CCDC141: variants seen among roughly 807,000 people sequenced by gnomAD.
CCDC141 encodes coiled-coil domain-containing protein 141.
In CCDC141, 168 loss-of-function variants were observed where a neutral mutation model predicts 181.0. The ratio of observed to expected loss-of-function variants is 0.93; its 90% confidence interval spans 0.82 to 1.05. The LOEUF (loss-of-function observed/expected upper bound fraction) is 1.05, where lower values mean the gene tolerates loss of function less well. CCDC141 is among the 50% of genes least tolerant of loss of function. CCDC141 has a pLI of 0.00. For missense variants in CCDC141, 1,902 were observed against 1,788.5 expected (o/e 1.06, Z -1.14); for synonymous variants, 666 against 642.3 (o/e 1.04, Z -0.56).
chr2:179,032,636 A>G (rs934166363), intron 2 of CCDC141, among the ~76,000 whole-genome samples: 1 of 152,082 alleles, frequency 6.6e-6, no homozygotes, highest in African/African-American at 2.4e-5. Context: ...CCTTTCCCCT[A>G]ATCTATCTGC....
At chr2:179,018,640 A>T (rs1012726085) in intron 2 of CCDC141, among the ~76,000 whole-genome samples, 1 of 152,106 alleles carries the variant, frequency 6.6e-6, no homozygotes, top group Non-Finnish European at 1.5e-5. Flanking sequence ...TTCTCTCCAT[A>T]GCAGCAAAAA....
chr2:178,855,781 T>C (rs938924243), intron 18 of CCDC141, among the ~76,000 whole-genome samples: 3 of 152,268 alleles, frequency 2.0e-5, no homozygotes, highest in Admixed American at 6.5e-5. Flanking sequence ...ACTAGTAATA[T>C]GATCTTTTTT....
At chr2:179,022,070 T>C (rs1430041940) in intron 2 of CCDC141, among the ~76,000 whole-genome samples, 2 of 152,190 alleles carry the variant, frequency 1.3e-5, no homozygotes, top group Non-Finnish European at 2.9e-5. Context: ...TTCTGTTAAA[T>C]GAAGTAAATA....
chr2:178,983,164 C>A (rs1366780545), intron 2 of CCDC141, among the ~76,000 whole-genome samples: 2 of 152,168 alleles, frequency 1.3e-5, no homozygotes, highest in Non-Finnish European at 2.9e-5. Context: ...ACCCCTGACC[C>A]CCGACCAGCC....
chr2:178,988,361 C>G (rs1460849362), intron 2 of CCDC141, among the ~76,000 whole-genome samples: 1 of 150,096 alleles, frequency 6.7e-6, no homozygotes, highest in Non-Finnish European at 1.5e-5. Flanking sequence ...GGAGATATAC[C>G]TAATGCTAGA....
chr2:178,827,960 G>A (rs1684149903), downstream of CCDC141, among the ~76,000 whole-genome samples: 1 of 152,102 alleles, frequency 6.6e-6, no homozygotes, highest in Non-Finnish European at 1.5e-5. Flanking sequence ...TCCAGCGATT[G>A]CAATCTCTGG....
chr2:178,843,126 C>T (rs747819605), intron 22 of CCDC141, among the ~76,000 whole-genome samples: 4 of 152,178 alleles, frequency 2.6e-5, no homozygotes, highest in Non-Finnish European at 5.9e-5. Flanking sequence ...TGGACATCTA[C>T]AGTATCATTA....
intron 7 of CCDC141, among the ~76,000 whole-genome samples, chr2:178,910,407 T>C (rs1268525931): frequency 6.6e-6 from 1 of 152,176 alleles, no homozygotes; most frequent in African/African-American, 2.4e-5. Context: ...GAGAGTTTTG[T>C]TGGAATGCTT....
At chr2:178,820,899 A>G in the CCDC141 span, among the ~76,000 whole-genome samples, 2 of 152,144 alleles carry the variant, frequency 1.3e-5, no homozygotes, top group African/African-American at 2.4e-5. Context: ...AAGGGTATCT[A>G]TCTATGAAGT....
intron 2 of CCDC141, chr2:179,002,307 G>A (rs563777420): frequency 7.6e-5 from 21 of 278,110 alleles, no homozygotes; most frequent in South Asian, 6.9e-4. Context: ...CTGTTATACA[G>A]CCAGAAGAAC....
intron 2 of CCDC141, among the ~76,000 whole-genome samples, chr2:178,979,381 G>A (rs75157077): frequency 0.011 from 1,678 of 152,032 alleles, 34 homozygotes; most frequent in African/African-American, 0.038. Context: ...ACATAAAAAG[G>A]AACTTAAAAC....
the CCDC141 span, among the ~76,000 whole-genome samples, chr2:178,821,957 C>G: frequency 2.0e-5 from 3 of 152,074 alleles, no homozygotes; most frequent in African/African-American, 7.2e-5. Context: ...CACATGCACA[C>G]GTATGTTTAT....
At chr2:178,856,876 C>T (rs1426881988) in intron 17 of CCDC141, among the ~76,000 whole-genome samples, 1 of 152,146 alleles carries the variant, frequency 6.6e-6, no homozygotes, top group East Asian at 1.9e-4. Flanking sequence ...TGAGCCACCG[C>T]GCCTGGCCTC....
At chr2:178,962,601 TTTC>T (rs1346268801) in intron 4 of CCDC141, among the ~76,000 whole-genome samples, 11 of 151,420 alleles carry the variant, frequency 7.3e-5, no homozygotes, top group South Asian at 2.1e-4. Flanking sequence ...TCTTTCTTTC[TTTC>T]TTTTCTTTCT....
chr2:179,025,795 G>C (rs1559056779), intron 2 of CCDC141, among the ~76,000 whole-genome samples: 1 of 152,186 alleles, frequency 6.6e-6, no homozygotes, highest in Non-Finnish European at 1.5e-5. Context: ...TTATGGAATG[G>C]CTTTGTCCAA....
At chr2:178,827,707 T>C (rs963185618), downstream of CCDC141, among the ~76,000 whole-genome samples, 1 of 152,156 alleles carries the variant, frequency 6.6e-6, no homozygotes, top group African/African-American at 2.4e-5. Context: ...GGCTGGTGTC[T>C]AGCAATGGTC....
At chr2:178,957,033 T>C (rs1575265573) in intron 5 of CCDC141, among the ~76,000 whole-genome samples, 1 of 152,132 alleles carries the variant, frequency 6.6e-6, no homozygotes, top group Non-Finnish European at 1.5e-5. Flanking sequence ...TGCACCACCA[T>C]GCCTGGCTAA....
At chr2:179,046,718 T>C (rs1379255771) in intron 2 of CCDC141, among the ~76,000 whole-genome samples, 1 of 152,220 alleles carries the variant, frequency 6.6e-6, no homozygotes, top group Admixed American at 6.5e-5. Context: ...TGTAGCTGGC[T>C]CTGATCTTAC....
chr2:178,980,891 G>T (rs1173701996), intron 2 of CCDC141, among the ~76,000 whole-genome samples: 2 of 152,062 alleles, frequency 1.3e-5, no homozygotes, highest in Non-Finnish European at 2.9e-5. Flanking sequence ...TGAAAAAAAA[G>T]GTAAATGGAC....
Sources: allele counts gnomAD v4.1 joint callset (sites outside exome capture counted in the v4.1 genomes callset), GRCh38; gene constraint gnomAD v4.1.1; transcripts MANE v1.5; gene names NCBI Gene and HGNC (gene_info 2026-07-23, HGNC 2026-07-21).